The following SARDH variants were observed in gnomAD, a reference collection of about 807,000 sequenced individuals.
SARDH encodes sarcosine dehydrogenase, mitochondrial.
In SARDH, 95 loss-of-function variants were observed where a neutral mutation model predicts 109.1. The observed-to-expected ratio is 0.87, with a 90% confidence interval of 0.74 to 1.03. SARDH has a LOEUF of 1.03. SARDH is among the 50% of genes least tolerant of loss of function. The probability of loss-of-function intolerance (pLI) is 0.00; values close to 1 mark genes in which losing one functional copy is unlikely to be tolerated. For synonymous variants in SARDH, 572 were observed against 534.8 expected (o/e 1.07, Z -0.96); for missense variants, 1,267 against 1,287.8 (o/e 0.98, Z 0.25).
At chr9:133,700,487 G>A (rs531774703) in intron 13 of SARDH, among the ~76,000 whole-genome samples, 14 of 152,160 alleles carry the variant, frequency 9.2e-5, no homozygotes, top group South Asian at 8.3e-4. Flanking sequence ...TACGTGAAAC[G>A]TCCAAACTAG....
In SARDH at chr9:133,732,520, T is replaced by A; in HGVS notation, c.413A>T (p.Glu138Val). The change falls in exon 3 of 21, where the codon GAG becomes GTG. Residue 138 changes from glutamate (E) to valine (V), a missense_variant. By Grantham distance (121) the Glu-to-Val change is moderately radical. Transcript: ENST00000439388. ...HTRRVVSREL[E>V]EETGLHTGWI... ...GCCCGTGTGTAGTCCCGTCTCCTCC[T>A]CCAGCTCCCGGCTCACCACCCGCCG... 6.2e-7 allele frequency: 1 copy of A among 1,613,688 alleles called. No homozygotes were observed.
chr9:133,716,897 G>T (rs559956209), intron 8 of SARDH, among the ~76,000 whole-genome samples: 123 of 152,310 alleles, frequency 8.1e-4, no homozygotes, highest in African/African-American at 2.9e-3. Context: ...GGGACTCACA[G>T]CTGTATAAGC....
intron 12 of SARDH, 80 bp from the exon 13 acceptor site, chr9:133,703,109 G>T: frequency 7.9e-7 from 1 of 1,261,736 alleles, no homozygotes. Flanking sequence ...TCCCGCTGAG[G>T]CTGTGATGGG....
At chr9:133,664,243 G>A (rs1381299420) in intron 20 of SARDH, among the ~76,000 whole-genome samples, 1 of 152,200 alleles carries the variant, frequency 6.6e-6, no homozygotes, top group African/African-American at 2.4e-5. Flanking sequence ...GCAAAGCCAA[G>A]GTCTGGCAGC....
chr9:133,711,313 A>G (rs611111), intron 10 of SARDH, among the ~76,000 whole-genome samples: 30,492 of 152,254 alleles, frequency 0.2, 3,263 homozygotes, highest in Middle Eastern at 0.25. Context: ...CAGGGCATGA[A>G]GACTGTCCCT....
intron 8 of SARDH, among the ~76,000 whole-genome samples, chr9:133,716,655 G>A (rs28549806): frequency 0.23 from 35,405 of 150,762 alleles, 4,474 homozygotes; most frequent in Admixed American, 0.29. Context: ...GATGACCCAC[G>A]TGGGGCATCT....
Position 133,704,860 on chromosome 9 carries a change from C to A in SARDH, c.1554+88G>T. ...GAACCACCTGGGGAGGCGGGGCACA[C>A]GGAGGGGCAAGGACGGGGCACGTGG... On this transcript the variant is annotated intron_variant, in intron 12 of 20. Transcript: ENST00000439388. The surrounding 1 kb of genome is among the most constrained non-coding windows in gnomAD (Gnocchi z 4.5). 1 of 1,161,150 alleles carries A rather than the reference C, an allele frequency of 8.6e-7. No homozygotes were observed. The highest frequency in any genetic ancestry group is 1.2e-6 in the Non-Finnish European group (1 of 800,902). 71.9% of individuals were successfully genotyped at this position (1,161,150 alleles called of 1,614,324 possible).
downstream of SARDH, among the ~76,000 whole-genome samples, chr9:133,660,866 T>C (rs10993950): frequency 0.024 from 3,696 of 152,354 alleles, 110 homozygotes; most frequent in South Asian, 0.088. Flanking sequence ...TTCTGGTGGC[T>C]GCTAGCCTCA....
chr9:133,695,464 G>T (rs1381369227), intron 14 of SARDH, among the ~76,000 whole-genome samples: 2 of 152,104 alleles, frequency 1.3e-5, no homozygotes, highest in Non-Finnish European at 2.9e-5. Context: ...AAACAAAAAA[G>T]AGAACACCTG....
intron 13 of SARDH, among the ~76,000 whole-genome samples, chr9:133,697,719 G>A (rs530692759): frequency 3.3e-5 from 5 of 152,086 alleles, no homozygotes; most frequent in Non-Finnish European, 5.9e-5. Context: ...AAATTCACCC[G>A]TTCATGATAA....
chr9:133,700,096 G>T (rs1831427039), intron 13 of SARDH, among the ~76,000 whole-genome samples: 1 of 152,238 alleles, frequency 6.6e-6, no homozygotes, highest in Admixed American at 6.5e-5. Context: ...GGAGGCCAAG[G>T]CAGGTGGATC....
intron 6 of SARDH, among the ~76,000 whole-genome samples, chr9:133,726,411 A>AGTG (rs1832494509): frequency 6.6e-6 from 1 of 150,784 alleles, no homozygotes; most frequent in Non-Finnish European, 1.5e-5. Flanking sequence ...TAGTAGTAGT[A>AGTG]GTAGTTATAT....
intron 15 of SARDH, among the ~76,000 whole-genome samples, chr9:133,691,169 A>ACACAC (rs1831079042): frequency 2.7e-5 from 3 of 112,136 alleles, no homozygotes; most frequent in African/African-American, 3.6e-5. Flanking sequence ...CACCTCCCCC[A>ACACAC]ACACACACAC....
intron 2 of SARDH, 74 bp downstream of exon 2, chr9:133,733,769 C>G (rs953311909): frequency 7.5e-7 from 1 of 1,339,844 alleles, no homozygotes; most frequent in African/African-American, 1.5e-5. Context: ...CAAGAACTGT[C>G]CCAGCTAGCA....
At chr9:133,737,544 C>A (rs1259804843) in intron 1 of SARDH, among the ~76,000 whole-genome samples, 1 of 152,214 alleles carries the variant, frequency 6.6e-6, no homozygotes, top group African/African-American at 2.4e-5. Flanking sequence ...GCTGAACACC[C>A]CCACCCCACC....
intron 17 of SARDH, among the ~76,000 whole-genome samples, chr9:133,673,404 C>T (rs966225394): frequency 7.2e-5 from 11 of 152,194 alleles, no homozygotes; most frequent in East Asian, 3.9e-4. Flanking sequence ...TCCCAGACAG[C>T]GGAGGAGCTG....
chr9:133,669,667 C>A (rs879365100), intron 19 of SARDH, among the ~76,000 whole-genome samples: 12 of 152,176 alleles, frequency 7.9e-5, no homozygotes, highest in Admixed American at 7.2e-4. Context: ...AGGTCGCCCC[C>A]AGGCAGAGTC....
At chr9:133,732,686 A>C in intron 2 of SARDH, 85 bp from the exon 3 acceptor site, 1 of 1,433,242 alleles carries the variant, frequency 7.0e-7, no homozygotes, top group Non-Finnish European at 9.4e-7. Flanking sequence ...ATACCCTGAT[A>C]TTCAACCATG....
At chr9:133,721,389 A>G (rs1388310462) in intron 6 of SARDH, among the ~76,000 whole-genome samples, 2 of 152,252 alleles carry the variant, frequency 1.3e-5, no homozygotes, top group Non-Finnish European at 2.9e-5. Context: ...TAAGCAAAGA[A>G]TAAAAGCTTT....
Sources: gnomAD v4.1 joint callset for allele counts (sites outside exome capture counted in the v4.1 genomes callset) on GRCh38, gnomAD v4.1.1 for gene constraint, Gnocchi (gnomAD v3.1) non-coding constraint, MANE v1.5 for transcripts, NCBI Gene and HGNC (gene_info 2026-07-23, HGNC 2026-07-21) for gene names.